KIAA0825: variants seen among roughly 807,000 people sequenced by gnomAD.
KIAA0825 encodes the protein KIAA0825, also known as uncharacterized protein KIAA0825.
A neutral mutation model predicts 147.6 loss-of-function variants in KIAA0825; 119 were observed. That is an observed-to-expected ratio of 0.81 (90% CI 0.69 to 0.94). The LOEUF (loss-of-function observed/expected upper bound fraction) is 0.94. Among genes scored for constraint, KIAA0825 ranks in the 40% least tolerant of loss-of-function variants. The pLI is 0.00. For synonymous variants in KIAA0825, 470 were observed against 518.1 expected, an observed-to-expected ratio of 0.91 and a Z score of 1.26; for missense variants, 1,381 against 1,472.7, an observed-to-expected ratio of 0.94 and a Z score of 1.02.
rs529046675 is a variant in KIAA0825 at position 94,406,881 on chromosome 5, T to G, written c.2663-3088A>C. 3.3e-5 allele frequency among the ~76,000 whole-genome samples: 5 copies of G among 152,306 alleles called. No homozygotes were observed. In the South Asian group the frequency reaches 1.0e-3, roughly 32 times the overall value. On this transcript the variant is annotated intron_variant, in intron 15 of 20. Coordinates refer to ENST00000682413, the MANE Select transcript of KIAA0825 (RefSeq NM_001145678.3). ...TTTCCCAGATTGTCATGATTTGTCTTGTCTGGAATCTCCCTGGAAGAGCAC... is the reference window on the plus strand; with the variant it reads ...TTTCCCAGATTGTCATGATTTGTCTGGTCTGGAATCTCCCTGGAAGAGCAC...
chr5:94,385,480 A>T (rs989454008), intron 19 of KIAA0825, among the ~76,000 whole-genome samples: 10 of 152,206 alleles, frequency 6.6e-5, no homozygotes, highest in Admixed American at 2.6e-4. Flanking sequence ...TCTTATTTTC[A>T]TCAGAGTTCT....
intron 2 of KIAA0825, among the ~76,000 whole-genome samples, chr5:94,546,945 A>G (rs895277018): frequency 6.6e-6 from 1 of 152,048 alleles, no homozygotes; most frequent in African/African-American, 2.4e-5. Flanking sequence ...TGTGTTGAGG[A>G]AAATCAAAGA....
intron 1 of KIAA0825, among the ~76,000 whole-genome samples, chr5:94,607,907 T>C (rs1243032556): frequency 6.6e-6 from 1 of 152,206 alleles, no homozygotes; most frequent in Non-Finnish European, 1.5e-5. Context: ...GCTAGCTATA[T>C]GGATTGAGTC....
At chr5:94,160,907 T>A (rs1245473603) in intron 20 of KIAA0825, among the ~76,000 whole-genome samples, 2 of 152,116 alleles carry the variant, frequency 1.3e-5, no homozygotes, top group Non-Finnish European at 2.9e-5. Flanking sequence ...GTAATGTCTC[T>A]GTTTCCTTCT....
At chr5:94,559,830 C>CA (rs1425821752) in intron 2 of KIAA0825, among the ~76,000 whole-genome samples, 9 of 152,220 alleles carry the variant, frequency 5.9e-5, no homozygotes, top group African/African-American at 2.2e-4. Flanking sequence ...TGATGGGGAT[C>CA]AAAATATTTT....
At chr5:94,345,079 T>TA (rs531384677) in intron 20 of KIAA0825, among the ~76,000 whole-genome samples, 13 of 146,718 alleles carry the variant, frequency 8.9e-5, no homozygotes, top group South Asian at 6.5e-4. Flanking sequence ...TACGTTACCA[T>TA]AAAAAAAAAA....
At chr5:94,529,366 T>C (rs1770242498) in intron 3 of KIAA0825, among the ~76,000 whole-genome samples, 1 of 83,066 alleles carries the variant, frequency 1.2e-5, no homozygotes, top group South Asian at 3.4e-4. Flanking sequence ...ATATATCATA[T>C]ATGTATATAT....
In KIAA0825 at chr5:94,386,192, TTGGG is replaced by T. The variant is rs1242225600; in HGVS notation, c.3619+46_3619+49del. ...CAAACACAAAGCAATTTTTTCTTAC[TTGGG>T]TAAAGAAACCACACATTTAAATTAA... On this transcript the variant is annotated intron_variant, in intron 19 of 20. Transcript: ENST00000682413. 21 of 1,491,310 alleles carry T rather than the reference TTGGG, an allele frequency of 1.4e-5. No homozygotes were observed. The East Asian group carries it at 5.2e-4, about 37-fold the overall frequency. The allele number at this position is 1,491,310 out of a possible 1,614,324, so 92.4% of individuals were successfully genotyped here. A position where few individuals can be genotyped will look rare whatever the true frequency, so the allele number is the denominator to read the frequency against.
intron 2 of KIAA0825, among the ~76,000 whole-genome samples, chr5:94,556,056 C>CT (rs35657531): frequency 0.022 from 3,220 of 144,440 alleles, 102 homozygotes; most frequent in African/African-American, 0.074. Context: ...ACATCAATTA[C>CT]TTTTTTTTTT....
intron 20 of KIAA0825, among the ~76,000 whole-genome samples, chr5:94,278,545 A>G (rs1197429108): frequency 1.3e-5 from 2 of 152,020 alleles, no homozygotes; most frequent in Non-Finnish European, 2.9e-5. Context: ...TTAAAAAATG[A>G]CATGGATTGA....
intron 15 of KIAA0825, chr5:94,415,387 C>T (rs1282339916): frequency 6.6e-6 from 1 of 151,886 alleles, no homozygotes. Context: ...TTACTTGTAA[C>T]AATGTTATGT....
intron 2 of KIAA0825, among the ~76,000 whole-genome samples, chr5:94,561,927 C>T (rs1777625435): frequency 6.6e-6 from 1 of 152,048 alleles, no homozygotes; most frequent in African/African-American, 2.4e-5. Context: ...AATAACGTAA[C>T]TTGAGTATTA....
Position 94,468,627 on chromosome 5 carries a change from A to T in KIAA0825, c.1872+1334T>A, listed in dbSNP as rs185602721. 9.8e-5 allele frequency among the ~76,000 whole-genome samples: 15 copies of T among 152,342 alleles called. No individual in the cohort carries two copies. The East Asian group carries it at 2.7e-3, about 27-fold the overall frequency. On this transcript the variant is annotated intron_variant, in intron 10 of 20. Transcript: ENST00000682413. ...GGGAAGGGCCTCTAAAGGAGAGATGAAATGGCCTTAGAAAAAGTGGAAAGT... is the reference window on the plus strand; with the variant it reads ...GGGAAGGGCCTCTAAAGGAGAGATGTAATGGCCTTAGAAAAAGTGGAAAGT...
Position 94,452,952 on chromosome 5 carries a change from C to A in KIAA0825, c.2357+7G>T. 1 of 1,393,116 alleles carries A rather than the reference C, an allele frequency of 7.2e-7. No individual in the cohort carries two copies. Among genetic ancestry groups the A allele is most frequent in the Non-Finnish European group, 9.7e-7 (1 of 1,035,786 alleles). The allele number at this position is 1,393,116 out of a possible 1,614,324, so 86.3% of individuals were successfully genotyped here. On this transcript the variant is annotated splice_region_variant and intron_variant, in intron 13 of 20. Transcript: ENST00000682413. ...TTATAGATAGTATGGCATTTAGAGG[C>A]TCTCACCTGAGTAAAGAAGGGTAGA... is the stretch of plus-strand genomic sequence containing the variant.
At chr5:94,233,650 G>A (rs542209477) in intron 20 of KIAA0825, among the ~76,000 whole-genome samples, 34 of 152,278 alleles carry the variant, frequency 2.2e-4, no homozygotes, top group Admixed American at 1.7e-3. Context: ...GTTGCAGCAG[G>A]GGTTGCATGG....
Position 94,342,068 on chromosome 5 carries a change from C to T in KIAA0825, c.3710+42300G>A, listed in dbSNP as rs547289250. On this transcript the variant is annotated intron_variant, in intron 20 of 20. Transcript: ENST00000682413. The stretch of plus-strand genomic sequence containing the variant: ...GAAGTTAGCCGGGCGTGGTGGCAGG[C>T]GCCTGTAGTCCCAGCTACTTGGGAG... 2.6e-5 allele frequency among the ~76,000 whole-genome samples: 4 copies of T among 151,982 alleles called. No individual in the cohort carries two copies. In the East Asian group the frequency reaches 7.8e-4, roughly 30 times the overall value.
In KIAA0825 at chr5:94,391,531, C is replaced by G. The variant is rs1265223031; in HGVS notation, c.3456+4G>C. 1 of 1,549,648 alleles carries G rather than the reference C, an allele frequency of 6.5e-7. No individual in the cohort carries two copies. The highest frequency in any genetic ancestry group is 2.4e-5 in the East Asian group (1 of 40,916). On this transcript the variant is annotated splice_donor_region_variant and intron_variant, in intron 18 of 20. Transcript: ENST00000682413. ...ATTGCTCGATAAAAAGGCCGTTTCCCTACCTCATTGAGCTGCATGATGTGA... is the reference window on the plus strand; with the variant it reads ...ATTGCTCGATAAAAAGGCCGTTTCCGTACCTCATTGAGCTGCATGATGTGA...
intron 2 of KIAA0825, among the ~76,000 whole-genome samples, chr5:94,552,201 C>G (rs115480758): frequency 5.2e-4 from 79 of 152,032 alleles, no homozygotes; most frequent in Non-Finnish European, 2.5e-4. Context: ...ATAAAGGGAT[C>G]GGTTTAGCAA....
intron 10 of KIAA0825, among the ~76,000 whole-genome samples, chr5:94,467,611 G>A (rs943153629): frequency 2.6e-5 from 4 of 152,184 alleles, no homozygotes; most frequent in African/African-American, 4.8e-5. Flanking sequence ...CTCTCAAGCT[G>A]ACAGTTTAGA....
Sources: allele counts gnomAD v4.1 joint callset (sites outside exome capture counted in the v4.1 genomes callset), GRCh38; gene constraint gnomAD v4.1.1; transcripts MANE v1.5; gene names NCBI Gene and HGNC (gene_info 2026-07-23, HGNC 2026-07-21).